Variants in RABGAP1L observed in about 807,000 individuals in gnomAD.
RABGAP1L encodes the protein rab GTPase-activating protein 1-like.
RABGAP1L carries 63 observed loss-of-function variants against 137.7 expected under a neutral mutation model. That is an observed-to-expected ratio of 0.46 (90% CI 0.37 to 0.56). The LOEUF is 0.56. Among genes scored for constraint, RABGAP1L ranks in the 20% least tolerant of loss-of-function variants. RABGAP1L has a pLI of 0.00. For missense variants in RABGAP1L, 1,095 were observed against 1,244.0 expected, an observed-to-expected ratio of 0.88 and a Z score of 1.80; for synonymous variants, 431 against 433.7, an observed-to-expected ratio of 0.99 and a Z score of 0.08.
intron 19 of RABGAP1L, among the ~76,000 whole-genome samples, chr1:174,947,230 C>CAG (rs80204674): frequency 0.39 from 56,875 of 145,574 alleles, 14,078 homozygotes; most frequent in African/African-American, 0.71. Context: ...TTTTTTCAGA[C>CAG]AGTTTCACTG....
chr1:174,556,793 T>C (rs111630357), intron 13 of RABGAP1L, among the ~76,000 whole-genome samples: 13 of 152,330 alleles, frequency 8.5e-5, no homozygotes, highest in African/African-American at 1.4e-4. Flanking sequence ...TACAAACTTA[T>C]GGGAACATTA....
intron 13 of RABGAP1L, among the ~76,000 whole-genome samples, chr1:174,573,821 A>G (rs1454895214): frequency 6.6e-6 from 1 of 152,248 alleles, no homozygotes; most frequent in Non-Finnish European, 1.5e-5. Context: ...AGAAAAAAGT[A>G]AAACCAAACC....
At chr1:174,359,750 G>A (rs760194283) in intron 11 of RABGAP1L, among the ~76,000 whole-genome samples, 1 of 152,064 alleles carries the variant, frequency 6.6e-6, no homozygotes, top group Non-Finnish European at 1.5e-5. Context: ...TTATTAGCAC[G>A]GTAACCTTGG....
At chr1:174,654,410 T>A (rs1043670086) in intron 14 of RABGAP1L, among the ~76,000 whole-genome samples, 1 of 152,220 alleles carries the variant, frequency 6.6e-6, no homozygotes, top group Non-Finnish European at 1.5e-5. Flanking sequence ...TCTATTTCTA[T>A]CACTTACTTC....
At chr1:174,937,632 A>ATATATATATATATC (rs1190513202) in intron 19 of RABGAP1L, among the ~76,000 whole-genome samples, 14 of 128,598 alleles carry the variant, frequency 1.1e-4, no homozygotes, top group Non-Finnish European at 1.9e-4. Flanking sequence ...ATATATATAT[A>ATATATATATATATC]TATCTTGCAG....
At chr1:174,832,972 T>C (rs942133057) in intron 19 of RABGAP1L, among the ~76,000 whole-genome samples, 3 of 152,160 alleles carry the variant, frequency 2.0e-5, no homozygotes, top group African/African-American at 7.2e-5. Context: ...CCCAATTCTA[T>C]AGATCAGAAA....
intron 14 of RABGAP1L, among the ~76,000 whole-genome samples, chr1:174,665,190 A>T (rs1676690300): frequency 6.6e-6 from 1 of 152,228 alleles, no homozygotes; most frequent in Non-Finnish European, 1.5e-5. Flanking sequence ...AAATAGTGAC[A>T]GTGGCTAAGT....
chr1:174,784,263 C>T (rs1241829992), intron 18 of RABGAP1L, among the ~76,000 whole-genome samples: 1 of 151,968 alleles, frequency 6.6e-6, no homozygotes, highest in Non-Finnish European at 1.5e-5. Context: ...TCGTGATCCG[C>T]CCACCTCGGC....
chr1:174,874,630 G>A (rs942432924), intron 19 of RABGAP1L: 11 of 438,656 alleles, frequency 2.5e-5, no homozygotes, highest in Non-Finnish European at 2.9e-5. Context: ...GTGTGAAGGC[G>A]ATAACTGCAG....
intron 13 of RABGAP1L, among the ~76,000 whole-genome samples, chr1:174,603,362 G>C (rs149457758): frequency 1.3e-5 from 2 of 152,250 alleles, no homozygotes; most frequent in Non-Finnish European, 2.9e-5. Flanking sequence ...GGTGACACAA[G>C]CACCTGGTGG....
At chr1:174,546,133 A>C (rs1665991128) in intron 13 of RABGAP1L, among the ~76,000 whole-genome samples, 1 of 152,160 alleles carries the variant, frequency 6.6e-6, no homozygotes, top group African/African-American at 2.4e-5. Context: ...AGCTCTTCCG[A>C]GTATTAGGAA....
intron 13 of RABGAP1L, among the ~76,000 whole-genome samples, chr1:174,619,034 G>A (rs1205376600): frequency 6.6e-6 from 1 of 152,178 alleles, no homozygotes; most frequent in African/African-American, 2.4e-5. Context: ...GGAAGAAAGG[G>A]TATCAGTGAT....
At chr1:174,384,398 A>G (rs1167976822) in intron 12 of RABGAP1L, among the ~76,000 whole-genome samples, 1 of 152,164 alleles carries the variant, frequency 6.6e-6, no homozygotes, top group African/African-American at 2.4e-5. Context: ...TATACTAAAA[A>G]TGTGAATTTT....
intron 13 of RABGAP1L, among the ~76,000 whole-genome samples, chr1:174,614,668 A>C (rs1047830384): frequency 6.6e-6 from 1 of 152,160 alleles, no homozygotes; most frequent in South Asian, 2.1e-4. Context: ...CATCCTGCAG[A>C]GTGTTTTCCA....
intron 13 of RABGAP1L, among the ~76,000 whole-genome samples, chr1:174,613,331 G>A (rs1409598870): frequency 4.6e-5 from 7 of 152,272 alleles, no homozygotes; most frequent in East Asian, 3.9e-4. Flanking sequence ...AGTCATTCAG[G>A]AGCAGGTTGT....
intron 17 of RABGAP1L, among the ~76,000 whole-genome samples, chr1:174,721,718 A>G (rs190184042): frequency 6.6e-5 from 10 of 152,304 alleles, no homozygotes; most frequent in Admixed American, 5.9e-4. Flanking sequence ...TAGATCTGCA[A>G]TTTCCCAGTA....
At chr1:174,741,232 T>A (rs987544324) in intron 17 of RABGAP1L, among the ~76,000 whole-genome samples, 1 of 152,222 alleles carries the variant, frequency 6.6e-6, no homozygotes, top group East Asian at 1.9e-4. Context: ...TTTAAGTCTT[T>A]AATCTACTTT....
At chr1:174,519,372 G>A (rs1663163396) in intron 13 of RABGAP1L, among the ~76,000 whole-genome samples, 2 of 152,060 alleles carry the variant, frequency 1.3e-5, no homozygotes, top group Non-Finnish European at 2.9e-5. Flanking sequence ...ATGTTTGAGG[G>A]CAGGAAGCAT....
Position 174,679,282 on chromosome 1 carries a change from C to T in RABGAP1L, c.1825-4240C>T, listed in dbSNP as rs147243406. On this transcript the variant is annotated intron_variant, in intron 14 of 25. Coordinates refer to ENST00000681986, the MANE Select transcript of RABGAP1L (RefSeq NM_001366446.1). ...AAGGTGGATGCAGTCACCTTCCCAG[C>T]TAGGCTTAGGGATTCTTAGTCAGCC... is the stretch of plus-strand genomic sequence containing the variant. Among the ~76,000 whole-genome samples the T allele has an allele frequency of 3.8e-3, 586 of 152,304 alleles. 6 individuals carry two copies. The highest frequency in any genetic ancestry group is 0.014 in the African/African-American group (568 of 41,560).
Sources: gnomAD v4.1 joint callset for allele counts (sites outside exome capture counted in the v4.1 genomes callset) on GRCh38, gnomAD v4.1.1 for gene constraint, MANE v1.5 for transcripts, NCBI Gene and HGNC (gene_info 2026-07-23, HGNC 2026-07-21) for gene names.